Variants in CDH18 observed in about 807,000 individuals in gnomAD.
The protein encoded by CDH18 is cadherin 18.
A neutral mutation model predicts 67.9 loss-of-function variants in CDH18; 31 were observed. The observed-to-expected ratio is 0.46, with a 90% CI of 0.34 to 0.62. CDH18 has a LOEUF of 0.62. CDH18 is among the 20% of genes least tolerant of loss of function. The pLI is 0.01. For synonymous variants in CDH18, 362 were observed against 347.2 expected (o/e 1.04, Z -0.48); for missense variants, 890 against 975.5 (o/e 0.91, Z 1.17).
intron 1 of CDH18, among the ~76,000 whole-genome samples, chr5:20,520,069 G>T (rs935237985): frequency 1.2e-4 from 17 of 145,874 alleles, no homozygotes; most frequent in Non-Finnish European, 2.4e-4. Context: ...CAAAGTGCTG[G>T]GATTACAGGT....
At chr5:20,088,544 T>G (rs1003106678) in intron 2 of CDH18, among the ~76,000 whole-genome samples, 3 of 152,098 alleles carry the variant, frequency 2.0e-5, no homozygotes, top group African/African-American at 7.2e-5. Context: ...GCAACTTCTG[T>G]CCATGAGGGA....
At chr5:19,482,125 TA>T (rs777958343) in intron 12 of CDH18, among the ~76,000 whole-genome samples, 26 of 151,606 alleles carry the variant, frequency 1.7e-4, no homozygotes, top group African/African-American at 4.8e-4. Context: ...TTATTATTAT[TA>T]TTTTTTTGAG....
At position 20,026,941 on chromosome 5, in the gene CDH18, C is replaced by T. The variant is rs1330363000; in HGVS notation, c.-517-34927G>A. ...CACTGCACTCCAGTCTGGGTGACAGCGTGACTCCGTTTCAAACATAAAAAA... is the reference window on the plus strand; with the variant it reads ...CACTGCACTCCAGTCTGGGTGACAGTGTGACTCCGTTTCAAACATAAAAAA... On this transcript the variant is annotated intron_variant, in intron 2 of 14. Transcript: ENST00000507958. Among the ~76,000 whole-genome samples, 4 of 150,728 alleles carry T rather than the reference C, an allele frequency of 2.7e-5. No homozygotes were observed. In the East Asian group the frequency reaches 5.9e-4, roughly 22 times the overall value.
intron 10 of CDH18, among the ~76,000 whole-genome samples, chr5:19,512,059 C>A (rs1193802166): frequency 6.6e-6 from 1 of 151,958 alleles, no homozygotes; most frequent in East Asian, 1.9e-4. Flanking sequence ...GCATCCAAGT[C>A]ATAGCTAAAA....
intron 2 of CDH18, among the ~76,000 whole-genome samples, chr5:19,970,921 C>T (rs943846928): frequency 2.0e-5 from 3 of 151,610 alleles, no homozygotes; most frequent in African/African-American, 7.3e-5. Context: ...AGAATATCTC[C>T]ATTGGAGACG....
chr5:20,403,507 A>G (rs1745961967), intron 1 of CDH18, among the ~76,000 whole-genome samples: 1 of 152,222 alleles, frequency 6.6e-6, no homozygotes, highest in East Asian at 1.9e-4. Flanking sequence ...AGACATGAAA[A>G]CAACATTAAT....
At chr5:20,260,976 A>T (rs1744607854) in intron 1 of CDH18, among the ~76,000 whole-genome samples, 1 of 152,202 alleles carries the variant, frequency 6.6e-6, no homozygotes, top group Admixed American at 6.5e-5. Flanking sequence ...TAGCCAGGTA[A>T]CTCAGGCCTA....
chr5:20,077,022 G>A (rs1415965840), intron 2 of CDH18, among the ~76,000 whole-genome samples: 1 of 152,146 alleles, frequency 6.6e-6, no homozygotes, highest in African/African-American at 2.4e-5. Flanking sequence ...GTTGAATTGT[G>A]TTGTCTTTAC....
intron 1 of CDH18, among the ~76,000 whole-genome samples, chr5:20,473,699 G>T (rs1752246003): frequency 6.6e-6 from 1 of 151,940 alleles, no homozygotes; most frequent in South Asian, 2.1e-4. Context: ...TGTATCAATT[G>T]TTTCAACAAT....
At chr5:20,499,760 A>C (rs770378182) in intron 1 of CDH18, among the ~76,000 whole-genome samples, 1 of 152,166 alleles carries the variant, frequency 6.6e-6, no homozygotes, top group East Asian at 1.9e-4. Flanking sequence ...TGAATGGGTA[A>C]ATAGTTATCT....
chr5:20,362,462 T>C (rs1237044961), intron 1 of CDH18, among the ~76,000 whole-genome samples: 2 of 152,178 alleles, frequency 1.3e-5, no homozygotes, highest in African/African-American at 4.8e-5. Flanking sequence ...CAAAATTTAG[T>C]CACTTTTTTT....
rs1750491760 is a variant in CDH18 at position 20,452,007 on chromosome 5, CTTTAT to C, written c.-580+123450_-580+123454del. Among the ~76,000 whole-genome samples, 47 of 152,188 alleles carry C rather than the reference CTTTAT, an allele frequency of 3.1e-4. 1 individual carries two copies. The South Asian group carries it at 9.5e-3, about 31-fold the overall frequency. ...AAAACCATGTAAAGAAATTTATATA[CTTTAT>C]ACCATCAATGATATTCAGTTTGCAG... On this transcript the variant is annotated intron_variant, in intron 1 of 14. Transcript: ENST00000507958.
intron 2 of CDH18, among the ~76,000 whole-genome samples, chr5:20,216,938 G>A (rs1474114786): frequency 6.6e-6 from 1 of 151,856 alleles, no homozygotes; most frequent in African/African-American, 2.4e-5. Context: ...CAGCAGCAGT[G>A]TTCTCATTGG....
intron 3 of CDH18, among the ~76,000 whole-genome samples, chr5:19,778,757 T>G (rs377174606): frequency 3.3e-5 from 5 of 152,102 alleles, no homozygotes; most frequent in South Asian, 2.1e-4. Flanking sequence ...AAAAAAAAAT[T>G]TAAGGCTTTC....
intron 2 of CDH18, among the ~76,000 whole-genome samples, chr5:20,048,251 G>C (rs901526170): frequency 9.9e-5 from 15 of 151,504 alleles, no homozygotes; most frequent in African/African-American, 3.4e-4. Flanking sequence ...GAAGGAACCG[G>C]TCAAATGAAT....
intron 2 of CDH18, among the ~76,000 whole-genome samples, chr5:20,251,057 GAT>G (rs1743822849): frequency 6.6e-6 from 1 of 152,218 alleles, no homozygotes; most frequent in East Asian, 1.9e-4. Flanking sequence ...TAACTTGTAA[GAT>G]AAAATTTGTG....
intron 4 of CDH18, among the ~76,000 whole-genome samples, chr5:19,732,347 A>G (rs886383717): frequency 6.6e-6 from 1 of 152,032 alleles, no homozygotes; most frequent in Non-Finnish European, 1.5e-5. Flanking sequence ...CCAGTTAATC[A>G]GAAGGCTGAG....
chr5:20,309,086 A>G (rs1736760114), intron 1 of CDH18, among the ~76,000 whole-genome samples: 1 of 152,324 alleles, frequency 6.6e-6, no homozygotes, highest in South Asian at 2.1e-4. Context: ...ATGTACACAC[A>G]TCGACATGCG....
intron 1 of CDH18, among the ~76,000 whole-genome samples, chr5:20,277,334 A>G (rs546549203): frequency 6.6e-6 from 1 of 152,208 alleles, no homozygotes; most frequent in South Asian, 2.1e-4. Context: ...TTTTGGAAAA[A>G]GGAAGGAAAG....
Sources: gnomAD v4.1 joint callset for allele counts (sites outside exome capture counted in the v4.1 genomes callset) on GRCh38, gnomAD v4.1.1 for gene constraint, MANE v1.5 for transcripts, NCBI Gene and HGNC (gene_info 2026-07-23, HGNC 2026-07-21) for gene names.